XPR1: variants seen among roughly 807,000 people sequenced by gnomAD.
XPR1 encodes the protein solute carrier family 53 member 1.
XPR1 carries 28 observed loss-of-function variants against 87.5 expected under a neutral mutation model. The observed-to-expected ratio is 0.32, with a 90% confidence interval of 0.24 to 0.44. XPR1 has a LOEUF of 0.44. XPR1 is among the 20% of genes least tolerant of loss of function. XPR1 has a pLI of 1.00. For synonymous variants in XPR1, 300 were observed against 306.1 expected (o/e 0.98, Z 0.21); for missense variants, 559 against 862.3 (o/e 0.65, Z 4.41).
At chr1:180,769,362 GT>G (rs1178593070) in intron 2 of XPR1, among the ~76,000 whole-genome samples, 1 of 144,718 alleles carries the variant, frequency 6.9e-6, no homozygotes, top group South Asian at 2.1e-4. Context: ...CATTATTTCT[GT>G]TTTTTTGTGT....
At chr1:180,754,985 A>T (rs369187166) in intron 2 of XPR1, among the ~76,000 whole-genome samples, 2 of 152,152 alleles carry the variant, frequency 1.3e-5, no homozygotes, top group African/African-American at 4.8e-5. Context: ...CATAGAATTG[A>T]TCGAATAAGG....
At chr1:180,784,743 C>T (rs2102085454) in intron 2 of XPR1, among the ~76,000 whole-genome samples, 1 of 152,026 alleles carries the variant, frequency 6.6e-6, no homozygotes, top group East Asian at 1.9e-4. Flanking sequence ...ATAATTCATT[C>T]TTTTCTCACT....
At chr1:180,685,679 A>G (rs558055123) in intron 2 of XPR1, among the ~76,000 whole-genome samples, 3 of 152,282 alleles carry the variant, frequency 2.0e-5, no homozygotes, top group African/African-American at 4.8e-5. Flanking sequence ...TTATTGGTCT[A>G]TTCAGAGATT....
chr1:180,728,302 G>T lies in XPR1; in HGVS notation c.121+45891G>T, dbSNP rs868668179. 2.2e-4 allele frequency among the ~76,000 whole-genome samples: 32 copies of T among 146,166 alleles called. 1 individual carries two copies. The South Asian group carries it at 3.9e-3, about 18-fold the overall frequency. ...AAAAAGGAGTTGTTTATAACTGGGG[G>T]GGGGGGTAGTAATGAAAACTATGTT... On this transcript the variant is annotated intron_variant, in intron 2 of 14. Transcript: ENST00000367590.
At chr1:180,641,987 A>G (rs1366337856) in intron 1 of XPR1, among the ~76,000 whole-genome samples, 3 of 152,208 alleles carry the variant, frequency 2.0e-5, no homozygotes, top group Non-Finnish European at 4.4e-5. Context: ...GCATTAATAC[A>G]TTTATCTGTA....
At chr1:180,883,059 C>G (rs1010848862) in intron 14 of XPR1, among the ~76,000 whole-genome samples, 3 of 149,068 alleles carry the variant, frequency 2.0e-5, no homozygotes, top group Admixed American at 2.0e-4. Flanking sequence ...AACTCCTGGG[C>G]TGAAATGATC....
In XPR1 at chr1:180,888,611, A is replaced by G. The variant is rs1653090596; in HGVS notation, c.*4545A>G. The G allele has an allele frequency of 6.6e-6, 1 of 152,154 alleles. No individual in the cohort carries two copies. The highest frequency in any genetic ancestry group is 2.4e-5 in the African/African-American group (1 of 41,456). The allele number at this position is 152,154 out of a possible 1,614,324, so 9.4% of individuals were successfully genotyped here. On this transcript the variant is annotated 3_prime_UTR_variant, in exon 15 of 15. Coordinates refer to ENST00000367590, the MANE Select transcript of XPR1 (RefSeq NM_004736.4). ...AGGTAAAGAAGAATAAATCCAATTTATCAGCTTTGTTCATATTCTTTTTCT... is the reference window on the plus strand; with the variant it reads ...AGGTAAAGAAGAATAAATCCAATTTGTCAGCTTTGTTCATATTCTTTTTCT...
At chr1:180,771,263 C>T (rs748355358) in intron 2 of XPR1, among the ~76,000 whole-genome samples, 2 of 151,662 alleles carry the variant, frequency 1.3e-5, no homozygotes, top group Non-Finnish European at 2.9e-5. Flanking sequence ...AAGTCATTCT[C>T]TTGATTAAGT....
At chr1:180,698,902 C>T (rs1452105855) in intron 2 of XPR1, among the ~76,000 whole-genome samples, 4 of 151,944 alleles carry the variant, frequency 2.6e-5, no homozygotes, top group Admixed American at 1.3e-4. Flanking sequence ...TTACTTGATA[C>T]GTGACTTGAC....
intron 2 of XPR1, among the ~76,000 whole-genome samples, chr1:180,718,181 T>C (rs1658061255): frequency 1.3e-5 from 2 of 152,202 alleles, no homozygotes; most frequent in South Asian, 2.1e-4. Context: ...GTATTGATGA[T>C]AGGTGCTGTG....
rs1225040580 is a variant in XPR1 at position 180,885,064 on chromosome 1, CTTA to C, written c.*1003_*1005del. 6.6e-6 allele frequency: 1 copy of C among 152,490 alleles called. No individual in the cohort carries two copies. Among genetic ancestry groups the C allele is most frequent in the Non-Finnish European group, 1.5e-5 (1 of 68,012 alleles). The allele number at this position is 152,490 out of a possible 1,614,324, so 9.4% of individuals were successfully genotyped here. ...TCAACCTTAACAGCTGAAGCTATGC[CTTA>C]TTATGCATCCACATGTATGGTCCCT... On this transcript the variant is annotated 3_prime_UTR_variant, in exon 15 of 15. Coordinates refer to ENST00000367590, the MANE Select transcript of XPR1 (RefSeq NM_004736.4).
intron 11 of XPR1, among the ~76,000 whole-genome samples, chr1:180,838,306 TGAG>T (rs150537771): frequency 1.3e-5 from 2 of 152,016 alleles, no homozygotes; most frequent in Admixed American, 6.6e-5. Flanking sequence ...TTGTGTAGGC[TGAG>T]GAGGAGGAGG....
At chr1:180,637,702 C>T (rs1262562646) in intron 1 of XPR1, among the ~76,000 whole-genome samples, 10 of 152,042 alleles carry the variant, frequency 6.6e-5, no homozygotes, top group African/African-American at 2.2e-4. Flanking sequence ...TACAGGCGCG[C>T]GCAACTACAT....
intron 13 of XPR1, among the ~76,000 whole-genome samples, chr1:180,879,470 C>G (rs1652774483): frequency 6.6e-6 from 1 of 152,204 alleles, no homozygotes; most frequent in African/African-American, 2.4e-5. Context: ...CTCACTTATT[C>G]TTAGCCCCCA....
At chr1:180,839,892 G>A (rs915519781) in intron 11 of XPR1, among the ~76,000 whole-genome samples, 2 of 152,204 alleles carry the variant, frequency 1.3e-5, no homozygotes, top group African/African-American at 4.8e-5. Flanking sequence ...ACCAAAGTTG[G>A]TGTCTTCTCC....
intron 11 of XPR1, among the ~76,000 whole-genome samples, chr1:180,849,465 C>T (rs893677156): frequency 1.1e-4 from 17 of 152,156 alleles, no homozygotes; most frequent in Non-Finnish European, 2.4e-4. Context: ...GTTTTACCTT[C>T]AGTCTAATTG....
chr1:180,787,755 A>T lies in XPR1; in HGVS notation c.124A>T (p.Thr42Ser), dbSNP rs1204015458. Reference sequence around the variant, plus strand: ...AATATTGTTTTCCTGTCTTTCAGTTACAGATGAGGACACAGTAAAGAGGTA... The same window carrying T: ...AATATTGTTTTCCTGTCTTTCAGTTTCAGATGAGGACACAGTAAAGAGGTA... ...AQDQAPSVEV[T>S]DEDTVKRYFA... is the part of the protein sequence containing the mutation. The change falls in exon 3 of 15, where the codon ACA (threonine) becomes TCA (serine). Residue 42 changes from threonine (T) to serine (S), a missense_variant and splice_region_variant. Physicochemically the swap from Thr to Ser is moderately conservative, Grantham distance 58. Coordinates refer to ENST00000367590, the MANE Select transcript of XPR1 (RefSeq NM_004736.4). The T allele has an allele frequency of 6.3e-7, 1 of 1,582,732 alleles. No homozygotes were observed. The highest frequency in any genetic ancestry group is 1.4e-5 in the African/African-American group (1 of 73,228).
intron 1 of XPR1, among the ~76,000 whole-genome samples, chr1:180,670,973 G>A (rs987497590): frequency 3.9e-5 from 6 of 152,174 alleles, no homozygotes; most frequent in African/African-American, 1.4e-4. Context: ...TGGATTAAAA[G>A]ATGGGGATAA....
chr1:180,804,675 T>A (rs575861466), intron 4 of XPR1, among the ~76,000 whole-genome samples: 190 of 152,278 alleles, frequency 1.2e-3, no homozygotes, highest in African/African-American at 4.4e-3. Context: ...TCTTAAATTG[T>A]TAATGCATGT....
Sources: gnomAD v4.1 joint callset for allele counts (sites outside exome capture counted in the v4.1 genomes callset) on GRCh38, gnomAD v4.1.1 for gene constraint, MANE v1.5 for transcripts, NCBI Gene and HGNC (gene_info 2026-07-23, HGNC 2026-07-21) for gene names.